The following NKAIN2 variants were observed in gnomAD, a reference collection of about 807,000 sequenced individuals.
The protein encoded by NKAIN2 is sodium/potassium-transporting ATPase subunit beta-1-interacting protein 2.
A neutral mutation model predicts 32.6 loss-of-function variants in NKAIN2; 14 were observed. That is an observed-to-expected ratio of 0.43 (90% confidence interval 0.28 to 0.67). The LOEUF (loss-of-function observed/expected upper bound fraction) is 0.67. Among genes scored for constraint, NKAIN2 ranks in the 30% least tolerant of loss-of-function variants. NKAIN2 has a pLI of 0.17. For synonymous variants in NKAIN2, 80 were observed against 87.2 expected, an observed-to-expected ratio of 0.92 and a Z score of 0.46; for missense variants, 198 against 258.3, an observed-to-expected ratio of 0.77 and a Z score of 1.60.
At chr6:123,836,293 A>G (rs1774617207) in intron 1 of NKAIN2, among the ~76,000 whole-genome samples, 1 of 152,114 alleles carries the variant, frequency 6.6e-6, no homozygotes, top group African/African-American at 2.4e-5. Flanking sequence ...AGGGAAAAAC[A>G]GAAGTAAATT....
intron 2 of NKAIN2, among the ~76,000 whole-genome samples, chr6:124,319,835 T>A (rs931161382): frequency 2.0e-5 from 3 of 152,132 alleles, no homozygotes; most frequent in African/African-American, 4.8e-5. Context: ...TCTTTTTAAT[T>A]TCCATTATTC....
At chr6:124,491,185 C>T (rs1777849321) in intron 3 of NKAIN2, among the ~76,000 whole-genome samples, 1 of 151,832 alleles carries the variant, frequency 6.6e-6, no homozygotes, top group African/African-American at 2.4e-5. Flanking sequence ...TTTTAAATAA[C>T]ATTTAAAGAG....
At position 124,191,741 on chromosome 6, in the gene NKAIN2, C is replaced by G. The variant is rs148795966; in HGVS notation, c.55-91264C>G. 2.0e-5 allele frequency among the ~76,000 whole-genome samples: 3 copies of G among 152,268 alleles called. No individual in the cohort carries two copies. The East Asian group carries it at 5.8e-4, about 29-fold the overall frequency. On this transcript the variant is annotated intron_variant, in intron 1 of 6. Transcript: ENST00000368417. ...GCCCTTGGTTTTCCAGATGGCTTTA[C>G]AAAGTTGAAGTGTGTCCTATCTACT...
intron 1 of NKAIN2, among the ~76,000 whole-genome samples, chr6:124,257,779 T>C (rs952849983): frequency 7.8e-6 from 1 of 127,422 alleles, no homozygotes; most frequent in Non-Finnish European, 1.5e-5. Flanking sequence ...TTTTTTCTTT[T>C]CTTTTTTTTT....
At chr6:124,032,920 G>A (rs1448016463) in intron 1 of NKAIN2, among the ~76,000 whole-genome samples, 1 of 151,776 alleles carries the variant, frequency 6.6e-6, no homozygotes, top group Non-Finnish European at 1.5e-5. Flanking sequence ...GTTTTTATAT[G>A]TAATATTTTA....
intron 1 of NKAIN2, among the ~76,000 whole-genome samples, chr6:124,059,127 T>G (rs1373125062): frequency 2.0e-5 from 3 of 152,102 alleles, no homozygotes; most frequent in African/African-American, 7.2e-5. Flanking sequence ...AGGGAGCATT[T>G]TGTGCAAATG....
At chr6:124,640,697 C>G (rs1783953233) in intron 3 of NKAIN2, among the ~76,000 whole-genome samples, 1 of 152,134 alleles carries the variant, frequency 6.6e-6, no homozygotes, top group South Asian at 2.1e-4. Flanking sequence ...CTCATTTTGC[C>G]AAACTTAGAT....
intron 2 of NKAIN2, among the ~76,000 whole-genome samples, chr6:124,289,882 T>G (rs2114942660): frequency 6.6e-6 from 1 of 152,296 alleles, no homozygotes. Flanking sequence ...GAAAGGAAAC[T>G]TATTGCAGCT....
intron 3 of NKAIN2, among the ~76,000 whole-genome samples, chr6:124,427,221 A>G (rs1190026003): frequency 6.6e-6 from 1 of 152,238 alleles, no homozygotes; most frequent in East Asian, 1.9e-4. Flanking sequence ...AATGTTCATA[A>G]CAGTTTATTT....
chr6:124,022,048 C>G (rs1316395953), intron 1 of NKAIN2, among the ~76,000 whole-genome samples: 1 of 148,214 alleles, frequency 6.7e-6, no homozygotes, highest in South Asian at 2.2e-4. Flanking sequence ...TCCCCCCTCC[C>G]CCTACCCCAT....
intron 1 of NKAIN2, among the ~76,000 whole-genome samples, chr6:123,959,238 C>T (rs561410845): frequency 3.9e-5 from 6 of 152,246 alleles, no homozygotes; most frequent in African/African-American, 1.4e-4. Flanking sequence ...GCTGAGTCTG[C>T]TGTGGTCTAA....
In NKAIN2 at chr6:124,389,745, GT is replaced by G. The variant is rs1562149441; in HGVS notation, c.273+34399del. ...TGTGTGTGTGTGTGTGTGTGTGTGT[GT>G]GTGTGGGTTTGAATCTGTGACTGTA... On this transcript the variant is annotated intron_variant, in intron 3 of 6. Coordinates refer to ENST00000368417, the MANE Select transcript of NKAIN2 (RefSeq NM_001040214.3). Among the ~76,000 whole-genome samples the G allele has an allele frequency of 6.2e-3, 926 of 150,260 alleles. 11 individuals are homozygous for G. The highest frequency in any genetic ancestry group is 0.028 in the Middle Eastern group (8 of 290).
chr6:124,198,017 ACT>A (rs1790406788), intron 1 of NKAIN2, among the ~76,000 whole-genome samples: 1 of 151,052 alleles, frequency 6.6e-6, no homozygotes, highest in African/African-American at 2.4e-5. Context: ...GGATTGAGTG[ACT>A]CTGTTCAGAA....
At chr6:124,254,975 G>A (rs763462556) in intron 1 of NKAIN2, among the ~76,000 whole-genome samples, 5 of 152,156 alleles carry the variant, frequency 3.3e-5, no homozygotes, top group Non-Finnish European at 7.3e-5. Context: ...ACCCTGAACA[G>A]AAGTCTCCTA....
At chr6:124,496,725 G>A (rs1021768556) in intron 3 of NKAIN2, among the ~76,000 whole-genome samples, 5 of 152,052 alleles carry the variant, frequency 3.3e-5, no homozygotes, top group Admixed American at 3.3e-4. Context: ...GGAATACATA[G>A]CATATCATCT....
chr6:124,781,167 G>A (rs1779248165), intron 4 of NKAIN2, among the ~76,000 whole-genome samples: 1 of 152,010 alleles, frequency 6.6e-6, no homozygotes, highest in Non-Finnish European at 1.5e-5. Context: ...TGTCAGTTTT[G>A]CCTTTTGGAT....
At chr6:124,459,404 G>A (rs1037795551) in intron 3 of NKAIN2, among the ~76,000 whole-genome samples, 2 of 151,718 alleles carry the variant, frequency 1.3e-5, no homozygotes, top group Non-Finnish European at 2.9e-5. Flanking sequence ...TTATAAGATT[G>A]CATATCTTTG....
intron 3 of NKAIN2, among the ~76,000 whole-genome samples, chr6:124,408,995 G>A (rs1774011785): frequency 6.6e-6 from 1 of 152,140 alleles, no homozygotes; most frequent in Admixed American, 6.5e-5. Flanking sequence ...TTGGCTGTTT[G>A]TCTGTTATTG....
intron 3 of NKAIN2, among the ~76,000 whole-genome samples, chr6:124,405,820 A>C (rs1441517173): frequency 2.0e-5 from 3 of 152,216 alleles, no homozygotes; most frequent in Non-Finnish European, 4.4e-5. Flanking sequence ...TGGATTCGGA[A>C]ATATAAGACA....
Sources: allele counts gnomAD v4.1 joint callset (sites outside exome capture counted in the v4.1 genomes callset), GRCh38; gene constraint gnomAD v4.1.1; transcripts MANE v1.5; gene names NCBI Gene and HGNC (gene_info 2026-07-23, HGNC 2026-07-21).